Variants in WDFY2 observed in about 807,000 individuals in gnomAD.
The protein encoded by WDFY2 is WD repeat and FYVE domain containing 2, also known as WD repeat and FYVE domain-containing protein 2.
In WDFY2, 36 loss-of-function variants were observed where a neutral mutation model predicts 56.4. The ratio of observed to expected loss-of-function variants is 0.64; its 90% CI spans 0.49 to 0.84. The LOEUF (loss-of-function observed/expected upper bound fraction) is 0.84. WDFY2 is among the 40% of genes least tolerant of loss of function. The pLI is 0.00. For missense variants in WDFY2, 444 were observed against 512.2 expected (o/e 0.87, Z 1.29); for synonymous variants, 176 against 183.7 (o/e 0.96, Z 0.34).
rs543493726 is a variant in WDFY2 at position 51,678,081 on chromosome 13, C to T, written c.279+2838C>T. On this transcript the variant is annotated intron_variant, in intron 3 of 11. Transcript: ENST00000298125. Reference sequence around the variant, plus strand: ...GGTCTACAAAGTTTTAATTATCTTCCCCACCTCATTAAAATGTTATCTTTT... The same window carrying T: ...GGTCTACAAAGTTTTAATTATCTTCTCCACCTCATTAAAATGTTATCTTTT... Among the ~76,000 whole-genome samples the T allele has an allele frequency of 7.9e-5, 12 of 152,186 alleles. No homozygotes were observed. The East Asian group carries it at 1.9e-3, about 24-fold the overall frequency.
rs1336961557 is a variant in WDFY2, at chr13:51,766,768, T to TTAAAA, written c.*7004_*7008dup. On this transcript the variant is annotated 3_prime_UTR_variant, in exon 12 of 12. Coordinates refer to ENST00000298125, the MANE Select transcript of WDFY2 (RefSeq NM_052950.4). ...CTCAATGCGGAGTTGCCGCCACGGT[T>TTAAAA]TAAAATAAATCTCTGTGAAAACCTT... The TTAAAA allele has an allele frequency of 3.3e-5, 5 of 152,256 alleles. No homozygotes were observed. Among genetic ancestry groups the TTAAAA allele is most frequent in the Admixed American group, 3.3e-4 (5 of 15,280 alleles). 9.4% of individuals were successfully genotyped at this position (152,256 alleles called of 1,614,324 possible). A position where few individuals can be genotyped will look rare whatever the true frequency, so the allele number is the denominator to read the frequency against.
At chr13:51,623,707 C>T (rs1475863893) in intron 1 of WDFY2, among the ~76,000 whole-genome samples, 1 of 152,152 alleles carries the variant, frequency 6.6e-6, no homozygotes, top group African/African-American at 2.4e-5. Context: ...GAATGCACAT[C>T]CTGTGAACAT....
chr13:51,618,113 A>C (rs1478311493), intron 1 of WDFY2, among the ~76,000 whole-genome samples: 1 of 152,196 alleles, frequency 6.6e-6, no homozygotes, highest in Non-Finnish European at 1.5e-5. Context: ...TATTCAATAC[A>C]ATTTTATGTC....
At chr13:51,633,364 A>G (rs1458313081) in intron 1 of WDFY2, among the ~76,000 whole-genome samples, 1 of 152,238 alleles carries the variant, frequency 6.6e-6, no homozygotes, top group Non-Finnish European at 1.5e-5. Flanking sequence ...TGGTTGTGCT[A>G]CTTGAGAACT....
intron 1 of WDFY2, among the ~76,000 whole-genome samples, chr13:51,629,542 A>C (rs983612387): frequency 6.6e-6 from 1 of 152,220 alleles, no homozygotes; most frequent in Non-Finnish European, 1.5e-5. Flanking sequence ...TAAATGAAAT[A>C]AAGGTGTGTG....
chr13:51,621,894 A>G (rs1954734570), intron 1 of WDFY2, among the ~76,000 whole-genome samples: 1 of 152,160 alleles, frequency 6.6e-6, no homozygotes, highest in Non-Finnish European at 1.5e-5. Context: ...CCATTATTGC[A>G]GTGGGACTTT....
chr13:51,609,644 G>T lies in WDFY2; in HGVS notation c.137+24820G>T, dbSNP rs959027051. ...TCCCCAAAAAACCAGGTTAACATAT[G>T]TTTAAGAACACAGGAGAATATTTTA... is the stretch of plus-strand genomic sequence containing the variant. On this transcript the variant is annotated intron_variant, in intron 1 of 11. Coordinates refer to ENST00000298125, the MANE Select transcript of WDFY2 (RefSeq NM_052950.4). Among the ~76,000 whole-genome samples the T allele has an allele frequency of 2.5e-4, 26 of 105,740 alleles. 1 individual carries two copies. Among genetic ancestry groups the T allele is most frequent in the Non-Finnish European group, 3.5e-4 (20 of 57,258 alleles). The allele number at this position is 105,740 out of a possible 152,430, so 69.4% of individuals were successfully genotyped here.
At chr13:51,585,339 A>G (rs1351753028) in intron 1 of WDFY2, among the ~76,000 whole-genome samples, 4 of 152,208 alleles carry the variant, frequency 2.6e-5, no homozygotes, top group Non-Finnish European at 4.4e-5. Context: ...AATTCAGTGA[A>G]TATTCTAAGT....
At chr13:51,709,205 T>C (rs1952155621) in intron 4 of WDFY2, among the ~76,000 whole-genome samples, 1 of 152,242 alleles carries the variant, frequency 6.6e-6, no homozygotes, top group Non-Finnish European at 1.5e-5. Context: ...AAAGTTTGTT[T>C]TATTTATACA....
At chr13:51,631,227 C>CA (rs955956520) in intron 1 of WDFY2, among the ~76,000 whole-genome samples, 15 of 151,438 alleles carry the variant, frequency 9.9e-5, no homozygotes, top group African/African-American at 2.9e-4. Flanking sequence ...TCCGTCTCTA[C>CA]AAAAAATGTA....
intron 1 of WDFY2, among the ~76,000 whole-genome samples, chr13:51,648,629 A>G (rs1228606695): frequency 6.6e-6 from 1 of 151,552 alleles, no homozygotes; most frequent in Non-Finnish European, 1.5e-5. Flanking sequence ...GGGCTAGGGG[A>G]GGGAACTTGA....
intron 4 of WDFY2, among the ~76,000 whole-genome samples, chr13:51,711,736 A>G (rs1009294678): frequency 5.9e-5 from 9 of 152,378 alleles, no homozygotes; most frequent in Admixed American, 3.3e-4. Context: ...CAAAATCACA[A>G]TAAGATACAT....
At chr13:51,703,714 G>T in intron 4 of WDFY2, 64 bp downstream of exon 4, 1 of 1,339,346 alleles carries the variant, frequency 7.5e-7, no homozygotes, top group Non-Finnish European at 1.0e-6. Flanking sequence ...GGTTTTCACT[G>T]CCACAAGAGA....
In WDFY2 at chr13:51,763,278, G is replaced by C. The variant is rs527822260; in HGVS notation, c.*3509G>C. The C allele has an allele frequency of 6.6e-6, 1 of 152,308 alleles. No homozygotes were observed. Among genetic ancestry groups the C allele is most frequent in the South Asian group, 2.1e-4 (1 of 4,830 alleles). The allele number at this position is 152,308 out of a possible 1,614,324, so 9.4% of individuals were successfully genotyped here. On this transcript the variant is annotated 3_prime_UTR_variant, in exon 12 of 12. Coordinates refer to ENST00000298125, the MANE Select transcript of WDFY2 (RefSeq NM_052950.4). Reference sequence around the variant, plus strand: ...ACCAGCTTTGTTCCTCTTATCGAAAGCATATATGACAGTTTTTTTGGCTCC... The same window carrying C: ...ACCAGCTTTGTTCCTCTTATCGAAACCATATATGACAGTTTTTTTGGCTCC...
intron 1 of WDFY2, among the ~76,000 whole-genome samples, chr13:51,602,181 A>G (rs945994195): frequency 1.3e-5 from 2 of 152,240 alleles, no homozygotes; most frequent in Admixed American, 6.5e-5. Flanking sequence ...TCTATCAACA[A>G]CAGACTGCAT....
intron 1 of WDFY2, among the ~76,000 whole-genome samples, chr13:51,607,774 G>C (rs1954410405): frequency 6.6e-6 from 1 of 152,176 alleles, no homozygotes; most frequent in Non-Finnish European, 1.5e-5. Context: ...TAGGCTGAAT[G>C]ATGAGGCCCC....
chr13:51,613,782 C>T (rs576244490), intron 1 of WDFY2, among the ~76,000 whole-genome samples: 1 of 152,136 alleles, frequency 6.6e-6, no homozygotes, highest in South Asian at 2.1e-4. Flanking sequence ...ACCAAGTTAG[C>T]ACAGGTGACA....
chr13:51,648,378 A>G lies in WDFY2; in HGVS notation c.138-12218A>G, dbSNP rs73197855. On this transcript the variant is annotated intron_variant, in intron 1 of 11. Coordinates refer to ENST00000298125, the MANE Select transcript of WDFY2 (RefSeq NM_052950.4). ...AGTGGACAGGTAGGTTGGGGTGGCC[A>G]TGGCCATAGGGAGAGATTTTTGATT... 2.7e-3 allele frequency among the ~76,000 whole-genome samples: 407 copies of G among 152,298 alleles called. 3 individuals are homozygous for G. Among genetic ancestry groups the G allele is most frequent in the Non-Finnish European group, 4.9e-3 (333 of 68,008 alleles).
Position 51,762,231 on chromosome 13 carries a change from G to A in WDFY2, c.*2462G>A, listed in dbSNP as rs1953607073. The A allele has an allele frequency of 6.6e-6, 1 of 152,280 alleles. No individual in the cohort carries two copies. The highest frequency in any genetic ancestry group is 2.4e-5 in the African/African-American group (1 of 41,454). 9.4% of individuals were successfully genotyped at this position (152,280 alleles called of 1,614,324 possible). On this transcript the variant is annotated 3_prime_UTR_variant, in exon 12 of 12. Transcript: ENST00000298125. ...CCAGGCGCCCAGCAAGCCTGTATGGGTTCTGAGATGGGTCTAGATGCGTTC... is the reference window on the plus strand; with the variant it reads ...CCAGGCGCCCAGCAAGCCTGTATGGATTCTGAGATGGGTCTAGATGCGTTC...
Sources: gnomAD v4.1 joint callset for allele counts (sites outside exome capture counted in the v4.1 genomes callset) on GRCh38, gnomAD v4.1.1 for gene constraint, MANE v1.5 for transcripts, NCBI Gene and HGNC (gene_info 2026-07-23, HGNC 2026-07-21) for gene names.